Variants in FHAD1 observed in about 807,000 individuals in gnomAD.
FHAD1 encodes the protein forkhead-associated domain-containing protein 1.
Under a neutral mutation model 191.3 loss-of-function variants are expected in FHAD1, and 146 were observed. That is an observed-to-expected ratio of 0.76 (90% CI 0.67 to 0.88). FHAD1 has a LOEUF of 0.88. Among genes scored for constraint, FHAD1 ranks in the 40% least tolerant of loss-of-function variants. The pLI is 0.00. For missense variants in FHAD1, 1,635 were observed against 1,785.8 expected, an observed-to-expected ratio of 0.92 and a Z score of 1.52; for synonymous variants, 616 against 672.3, an observed-to-expected ratio of 0.92 and a Z score of 1.29.
At chr1:15,297,975 C>T (rs949912116) in intron 5 of FHAD1, among the ~76,000 whole-genome samples, 2 of 151,938 alleles carry the variant, frequency 1.3e-5, no homozygotes, top group African/African-American at 4.8e-5. Context: ...CATGGAGATG[C>T]CTTAAAGAAC....
chr1:15,307,633 GGGGTTTCCACTT>G (rs1347734474), intron 6 of FHAD1, among the ~76,000 whole-genome samples: 6 of 152,196 alleles, frequency 3.9e-5, no homozygotes, highest in Non-Finnish European at 8.8e-5. Context: ...GGGTTTATCA[GGGGTTTCCACTT>G]TTGCTTTTTC....
chr1:15,345,587 T>A, intron 18 of FHAD1, 64 bp downstream of exon 18: 2 of 1,303,392 alleles, frequency 1.5e-6, no homozygotes, highest in Non-Finnish European at 2.2e-6. Context: ...GGAAGGAAGT[T>A]CAGAGCGGCG....
intron 31 of FHAD1, chr1:15,383,017 C>T (rs146285411): frequency 4.4e-5 from 20 of 457,440 alleles, no homozygotes; most frequent in Middle Eastern, 3.5e-4. Flanking sequence ...CACACACACG[C>T]GCACGCGCAC....
At chr1:15,239,695 A>G (rs1645144841) in intron 1 of FHAD1, among the ~76,000 whole-genome samples, 1 of 152,206 alleles carries the variant, frequency 6.6e-6, no homozygotes, top group African/African-American at 2.4e-5. Context: ...ACAGCCCAGG[A>G]ACAGTGATTC....
At chr1:15,383,658 G>A (rs1328361556) in intron 31 of FHAD1, 8 of 302,208 alleles carry the variant, frequency 2.6e-5, no homozygotes, top group African/African-American at 4.3e-5. Flanking sequence ...CAAGGCTGGG[G>A]TTAGGCAAGT....
Position 15,345,102 on chromosome 1 carries a change from C to T in FHAD1, c.2150C>T (p.Thr717Ile). The T allele has an allele frequency of 6.4e-7, 1 of 1,551,694 alleles. No homozygotes were observed. Among genetic ancestry groups the T allele is most frequent in the South Asian group, 1.2e-5 (1 of 84,046 alleles). Reference protein sequence around the residue: ...EEKAALEEYITQERNRAKETL... With the variant: ...EEKAALEEYIIQERNRAKETL... ...TTCCAGGCTTTGGAGGAGTACATTACTCAAGAGAGAAACAGAGCGAAAGAG... is the reference window on the plus strand; with the variant it reads ...TTCCAGGCTTTGGAGGAGTACATTATTCAAGAGAGAAACAGAGCGAAAGAG... The change falls in exon 17 of 34, where the codon ACT (threonine) becomes ATT (isoleucine). Residue 717 changes from threonine (T) to isoleucine (I), a missense_variant. Physicochemically the swap from Thr to Ile is moderately conservative, Grantham distance 89. Transcript: ENST00000688493.
At chr1:15,382,334 C>A in intron 31 of FHAD1, 141 bp downstream of exon 31, 1 of 822,164 alleles carries the variant, frequency 1.2e-6, no homozygotes, top group Non-Finnish European at 1.9e-6. Context: ...ATAGCTTTTG[C>A]ATCAGACAGA....
intron 17 of FHAD1, 93 bp downstream of exon 17, chr1:15,345,283 C>A: frequency 7.3e-7 from 1 of 1,365,746 alleles, no homozygotes; most frequent in Non-Finnish European, 1.0e-6. Context: ...CGGCTCTGAG[C>A]TCCAGGGCTG....
rs1677547299 is a variant in FHAD1 at position 15,324,579 on chromosome 1, C to T, written c.1473+20C>T. 1 of 1,503,560 alleles carries T rather than the reference C, an allele frequency of 6.7e-7. No homozygotes were observed. The highest frequency in any genetic ancestry group is 1.4e-5 in the African/African-American group (1 of 71,786). 93.1% of individuals were successfully genotyped at this position (1,503,560 alleles called of 1,614,324 possible). On this transcript the variant is annotated intron_variant, in intron 11 of 33. Coordinates refer to ENST00000688493, the MANE Select transcript of FHAD1 (RefSeq NM_001391957.1). Reference sequence around the variant, plus strand: ...GGTCAGGTAGGCATGTTCCAGAGCCCCCCTCATTGGCCCACGCTCTCCAAT... The same window carrying T: ...GGTCAGGTAGGCATGTTCCAGAGCCTCCCTCATTGGCCCACGCTCTCCAAT...
At chr1:15,362,904 C>T (rs1695266312) in intron 23 of FHAD1, among the ~76,000 whole-genome samples, 178 bp downstream of exon 23, 1 of 152,074 alleles carries the variant, frequency 6.6e-6, no homozygotes, top group African/African-American at 2.4e-5. Context: ...ACCACATTGT[C>T]AGAAGCCAAA....
chr1:15,237,581 C>T (rs1338456331), intron 1 of FHAD1, among the ~76,000 whole-genome samples: 1 of 152,206 alleles, frequency 6.6e-6, no homozygotes, highest in Non-Finnish European at 1.5e-5. Flanking sequence ...TACTGAGAAT[C>T]CTAGTGACCC....
intron 33 of FHAD1, among the ~76,000 whole-genome samples, chr1:15,391,506 T>C (rs548062149): frequency 6.6e-6 from 1 of 152,210 alleles, no homozygotes; most frequent in Non-Finnish European, 1.5e-5. Context: ...CACTCTTTTT[T>C]AATCAAGTCT....
chr1:15,380,813 T>A lies in FHAD1; in HGVS notation c.3801+17T>A, dbSNP rs748966076. The A allele has an allele frequency of 7.8e-5, 120 of 1,545,490 alleles. No individual in the cohort carries two copies. The highest frequency in any genetic ancestry group is 1.0e-4 in the Non-Finnish European group (117 of 1,142,286). On this transcript the variant is annotated intron_variant, in intron 29 of 33. Transcript: ENST00000688493. ...GAAAAGCTGGTATGTACATCCAGCA[T>A]CCACCCTGCTCCTATCCAAAGCCTG...
In FHAD1 at chr1:15,327,026, C is replaced by T; in HGVS notation, c.1474-33C>T. 6.9e-7 allele frequency: 1 copy of T among 1,453,742 alleles called. No individual in the cohort carries two copies. Among genetic ancestry groups the T allele is most frequent in the Non-Finnish European group, 9.4e-7 (1 of 1,058,872 alleles). The allele number at this position is 1,453,742 out of a possible 1,614,324, so 90.1% of individuals were successfully genotyped here. A position where few individuals can be genotyped will look rare whatever the true frequency, so the allele number is the denominator to read the frequency against. ...GCCCCCACTTGCCGGCCCCTGCTGA[C>T]CCCCTGACACTGTTGCCCCCTCTCT... On this transcript the variant is annotated intron_variant, in intron 11 of 33. Transcript: ENST00000688493. The surrounding 1 kb of genome is among the most constrained non-coding windows in gnomAD (Gnocchi z 5.1).
chr1:15,237,712 C>T (rs1644931209), intron 1 of FHAD1, among the ~76,000 whole-genome samples: 1 of 152,142 alleles, frequency 6.6e-6, no homozygotes, highest in Non-Finnish European at 1.5e-5. Flanking sequence ...GGTCAGAAAA[C>T]ACGGTGAAAG....
chr1:15,372,621 G>A (rs16851617), intron 26 of FHAD1, among the ~76,000 whole-genome samples: 3,300 of 152,168 alleles, frequency 0.022, 110 homozygotes, highest in African/African-American at 0.074. Flanking sequence ...AGATGGATAG[G>A]CAACTTCTAA....
chr1:15,370,840 G>A (rs1697869927), intron 26 of FHAD1, among the ~76,000 whole-genome samples: 1 of 152,138 alleles, frequency 6.6e-6, no homozygotes, highest in Non-Finnish European at 1.5e-5. Flanking sequence ...AGAGCATGGC[G>A]TTCCAGTAAT....
At chr1:15,332,110 A>T (rs1681876855) in intron 14 of FHAD1, among the ~76,000 whole-genome samples, 1 of 152,200 alleles carries the variant, frequency 6.6e-6, no homozygotes, top group Admixed American at 6.5e-5. Flanking sequence ...AAGGTGGGGT[A>T]ACATTCTTAA....
intron 2 of FHAD1, among the ~76,000 whole-genome samples, chr1:15,267,293 G>A (rs1653950071): frequency 6.6e-6 from 1 of 151,976 alleles, no homozygotes. Flanking sequence ...TTGAATACCT[G>A]GAATAAATCC....
Sources: allele counts gnomAD v4.1 joint callset (sites outside exome capture counted in the v4.1 genomes callset), GRCh38; gene constraint gnomAD v4.1.1; non-coding constraint Gnocchi (gnomAD v3.1); transcripts MANE v1.5; gene names NCBI Gene and HGNC (gene_info 2026-07-23, HGNC 2026-07-21).